Variants in ALK observed in about 807,000 individuals in gnomAD.
The protein encoded by ALK is ALK tyrosine kinase receptor.
Under a neutral mutation model 163.1 loss-of-function variants are expected in ALK, and 74 were observed. The ratio of observed to expected loss-of-function variants is 0.45; its 90% CI spans 0.38 to 0.55. ALK has a LOEUF of 0.55. Ranked by LOEUF, ALK falls within the 20% of genes least tolerant of loss-of-function variation. ALK has a pLI of 0.00. For synonymous variants in ALK, 960 were observed against 843.2 expected (o/e 1.14, Z -2.40); for missense variants, 2,063 against 2,105.3 (o/e 0.98, Z 0.39).
At chr2:29,637,636 G>A (rs1212727751) in intron 3 of ALK, among the ~76,000 whole-genome samples, 1 of 148,542 alleles carries the variant, frequency 6.7e-6, no homozygotes. Context: ...TTGAACCCAC[G>A]AGGTGGAGGT....
chr2:29,301,205 T>C (rs916491504), intron 8 of ALK, among the ~76,000 whole-genome samples: 1 of 152,234 alleles, frequency 6.6e-6, no homozygotes, highest in African/African-American at 2.4e-5. Context: ...TTTTGTTTTC[T>C]CTACCTGCTT....
chr2:29,464,978 T>A (rs1254950322), intron 4 of ALK, among the ~76,000 whole-genome samples: 1 of 152,164 alleles, frequency 6.6e-6, no homozygotes, highest in Non-Finnish European at 1.5e-5. Flanking sequence ...AATATATGTG[T>A]AACTGGAATC....
intron 3 of ALK, among the ~76,000 whole-genome samples, chr2:29,583,040 T>C (rs1674763149): frequency 9.6e-6 from 1 of 104,082 alleles, no homozygotes; most frequent in Non-Finnish European, 2.2e-5. Context: ...CTTTTGTTTT[T>C]TGTTTTTTTG....
chr2:29,799,467 G>A (rs911620189), intron 1 of ALK, among the ~76,000 whole-genome samples: 1 of 152,086 alleles, frequency 6.6e-6, no homozygotes, highest in African/African-American at 2.4e-5. Context: ...CAGAGTTTGA[G>A]ACCAGCCTGG....
chr2:29,555,554 G>A (rs188882593), intron 3 of ALK, among the ~76,000 whole-genome samples: 113 of 152,224 alleles, frequency 7.4e-4, no homozygotes, highest in African/African-American at 2.6e-3. Context: ...CTCCACCCCT[G>A]CCCTCCACCT....
At chr2:29,751,344 A>C (rs1680361204) in intron 1 of ALK, among the ~76,000 whole-genome samples, 1 of 152,172 alleles carries the variant, frequency 6.6e-6, no homozygotes, top group African/African-American at 2.4e-5. Flanking sequence ...GATGGCTATG[A>C]CTTCAGCACG....
chr2:29,207,341 A>G (rs1669338761), intron 25 of ALK, 69 bp from the exon 26 acceptor site: 4 of 1,224,588 alleles, frequency 3.3e-6, no homozygotes, highest in Admixed American at 1.7e-5. Context: ...CTGCTGGGAA[A>G]GTTGAGAAAG....
At chr2:29,714,215 G>T (rs927879847) in intron 2 of ALK, among the ~76,000 whole-genome samples, 1 of 152,132 alleles carries the variant, frequency 6.6e-6, no homozygotes, top group African/African-American at 2.4e-5. Flanking sequence ...CCTTAGGGGA[G>T]GAATGTGCAG....
chr2:29,327,288 A>C (rs575964720), intron 6 of ALK, among the ~76,000 whole-genome samples: 24 of 152,296 alleles, frequency 1.6e-4, no homozygotes, highest in African/African-American at 5.5e-4. Context: ...AAGAGTCAGT[A>C]AGCACAGACG....
intron 3 of ALK, among the ~76,000 whole-genome samples, chr2:29,630,086 G>T (rs1676314768): frequency 6.6e-6 from 1 of 152,188 alleles, no homozygotes; most frequent in Non-Finnish European, 1.5e-5. Flanking sequence ...TGCAATTAGA[G>T]TCTGGGCGGA....
chr2:29,384,507 G>A (rs1668982764), intron 4 of ALK, among the ~76,000 whole-genome samples: 1 of 152,124 alleles, frequency 6.6e-6, no homozygotes, highest in East Asian at 1.9e-4. Flanking sequence ...CTATAATCAA[G>A]GATACTGACA....
intron 3 of ALK, among the ~76,000 whole-genome samples, chr2:29,677,127 T>G (rs1473917957): frequency 6.6e-6 from 1 of 151,856 alleles, no homozygotes; most frequent in Non-Finnish European, 1.5e-5. Context: ...TGTATGTTTT[T>G]AGTTCCCTCC....
chr2:29,791,365 C>A (rs747460322), intron 1 of ALK, among the ~76,000 whole-genome samples: 11 of 152,152 alleles, frequency 7.2e-5, no homozygotes, highest in Admixed American at 3.3e-4. Flanking sequence ...TCATTCTCAG[C>A]AAACTACACA....
chr2:29,784,734 C>CAAT (rs967625297), intron 1 of ALK, among the ~76,000 whole-genome samples: 1 of 151,026 alleles, frequency 6.6e-6, no homozygotes, highest in African/African-American at 2.4e-5. Flanking sequence ...ACAACAACAA[C>CAAT]AAAGAACTGA....
intron 3 of ALK, among the ~76,000 whole-genome samples, chr2:29,577,737 G>A (rs1415238323): frequency 1.3e-5 from 2 of 152,214 alleles, no homozygotes; most frequent in Non-Finnish European, 2.9e-5. Context: ...AAACACTGAT[G>A]TGAGACAAAA....
intron 3 of ALK, among the ~76,000 whole-genome samples, chr2:29,626,545 T>A (rs1676200440): frequency 6.6e-6 from 1 of 152,186 alleles, no homozygotes; most frequent in South Asian, 2.1e-4. Flanking sequence ...TTACCCAGTC[T>A]TGGGTATGTT....
At chr2:29,383,448 T>A (rs755639833) in intron 5 of ALK, among the ~76,000 whole-genome samples, 5 of 152,002 alleles carry the variant, frequency 3.3e-5, no homozygotes, top group African/African-American at 4.8e-5. Flanking sequence ...TCCCAAGTAG[T>A]TGGGATTACA....
chr2:29,680,781 C>A (rs1173517261), intron 3 of ALK, among the ~76,000 whole-genome samples: 1 of 152,032 alleles, frequency 6.6e-6, no homozygotes, highest in African/African-American at 2.4e-5. Flanking sequence ...TTTGTTAAAA[C>A]TGAACATTTT....
chr2:29,814,576 C>T (rs1664846160), intron 1 of ALK, among the ~76,000 whole-genome samples: 2 of 151,750 alleles, frequency 1.3e-5, no homozygotes, highest in Non-Finnish European at 2.9e-5. Flanking sequence ...AGGAGAATGT[C>T]GTGAACCCGG....
Sources: allele counts gnomAD v4.1 joint callset (sites outside exome capture counted in the v4.1 genomes callset), GRCh38; gene constraint gnomAD v4.1.1; transcripts MANE v1.5; gene names NCBI Gene and HGNC (gene_info 2026-07-23, HGNC 2026-07-21).